KCNMB2: variants seen among roughly 807,000 people sequenced by gnomAD.
The protein encoded by KCNMB2 is potassium calcium-activated channel subfamily M regulatory beta subunit 2.
Under a neutral mutation model 24.5 loss-of-function variants are expected in KCNMB2, and 9 were observed. That is an observed-to-expected ratio of 0.37 (90% CI 0.22 to 0.64). The LOEUF (loss-of-function observed/expected upper bound fraction) is 0.64. Among genes scored for constraint, KCNMB2 ranks in the 30% least tolerant of loss-of-function variants. The pLI is 0.63. For synonymous variants in KCNMB2, 109 were observed against 104.4 expected, an observed-to-expected ratio of 1.04 and a Z score of -0.27; for missense variants, 226 against 284.3, an observed-to-expected ratio of 0.79 and a Z score of 1.47.
chr3:178,683,392 T>A (rs1326955797), intron 1 of KCNMB2, among the ~76,000 whole-genome samples: 1 of 151,940 alleles, frequency 6.6e-6, no homozygotes, highest in African/African-American at 2.4e-5. Context: ...AGTACCTATG[T>A]GACAGGATCA....
chr3:178,659,264 T>C (rs1255770013), intron 1 of KCNMB2, among the ~76,000 whole-genome samples: 1 of 152,236 alleles, frequency 6.6e-6, no homozygotes, highest in East Asian at 1.9e-4. Context: ...AGCCAGAATG[T>C]TCTGCATCCT....
chr3:178,818,248 A>C (rs1213372407), intron 2 of KCNMB2, among the ~76,000 whole-genome samples: 1 of 152,094 alleles, frequency 6.6e-6, no homozygotes, highest in Non-Finnish European at 1.5e-5. Flanking sequence ...TGATGCCCAG[A>C]TCTAAATCTA....
chr3:178,566,462 T>A (rs2108470432), intron 1 of KCNMB2, among the ~76,000 whole-genome samples: 1 of 152,136 alleles, frequency 6.6e-6, no homozygotes, highest in Non-Finnish European at 1.5e-5. Flanking sequence ...ACACTCCTAC[T>A]TGGCAATGTT....
At chr3:178,747,671 T>A (rs1723714904) in intron 1 of KCNMB2, among the ~76,000 whole-genome samples, 1 of 152,260 alleles carries the variant, frequency 6.6e-6, no homozygotes, top group Non-Finnish European at 1.5e-5. Flanking sequence ...ATGTAATAAC[T>A]GACTTAGTCT....
chr3:178,550,054 T>C (rs2108453752), intron 1 of KCNMB2, among the ~76,000 whole-genome samples: 1 of 152,270 alleles, frequency 6.6e-6, no homozygotes, highest in African/African-American at 2.4e-5. Context: ...GCTATATAAG[T>C]AAATTAACTA....
chr3:178,668,303 G>A (rs1720788191), intron 1 of KCNMB2, among the ~76,000 whole-genome samples: 1 of 152,102 alleles, frequency 6.6e-6, no homozygotes, highest in African/African-American at 2.4e-5. Flanking sequence ...AGGCACAGAA[G>A]GGTCCACAAT....
chr3:178,574,378 G>A (rs911898430), intron 1 of KCNMB2, among the ~76,000 whole-genome samples: 8 of 152,116 alleles, frequency 5.3e-5, no homozygotes, highest in Admixed American at 2.6e-4. Context: ...TATTCCTTCC[G>A]GACATATCTT....
At chr3:178,777,957 A>G (rs1035487560) in intron 1 of KCNMB2, among the ~76,000 whole-genome samples, 4 of 152,188 alleles carry the variant, frequency 2.6e-5, no homozygotes, top group African/African-American at 9.6e-5. Flanking sequence ...CCCCAGCTCC[A>G]TGATTCATCG....
intron 1 of KCNMB2, among the ~76,000 whole-genome samples, chr3:178,691,107 C>CT (rs71181241): frequency 0.016 from 1,279 of 79,722 alleles, 131 homozygotes; most frequent in Middle Eastern, 0.053. Context: ...CCCATTAAGT[C>CT]TTTTTTTTTT....
At chr3:178,618,327 C>T (rs1718788642) in intron 1 of KCNMB2, among the ~76,000 whole-genome samples, 1 of 152,140 alleles carries the variant, frequency 6.6e-6, no homozygotes. Flanking sequence ...TCACAGTGTG[C>T]CAGATACCTT....
At chr3:178,807,509 C>A in intron 2 of KCNMB2, 44 bp downstream of exon 2, 2 of 1,519,484 alleles carry the variant, frequency 1.3e-6, no homozygotes, top group Non-Finnish European at 1.8e-6. Flanking sequence ...AGCATTTAAC[C>A]TGACTCTCCA....
intron 1 of KCNMB2, among the ~76,000 whole-genome samples, chr3:178,595,682 T>C (rs981878102): frequency 6.6e-6 from 1 of 152,078 alleles, no homozygotes; most frequent in Non-Finnish European, 1.5e-5. Context: ...CCTTCCACCA[T>C]AATTGTAAGT....
At position 178,613,825 on chromosome 3, in the gene KCNMB2, G is replaced by A. The variant is rs147687902; in HGVS notation, c.-68+77114G>A. Among the ~76,000 whole-genome samples, 178 of 152,048 alleles carry A rather than the reference G, an allele frequency of 1.2e-3. 4 individuals are homozygous for A. In the East Asian group the frequency reaches 0.032, roughly 27 times the overall value. The stretch of plus-strand genomic sequence containing the variant: ...GTCTTCTTTGGGTTAAATCTGCTTG[G>A]TTCTATAACCATCTTGTACGTGGAT... On this transcript the variant is annotated intron_variant, in intron 1 of 4. Coordinates refer to ENST00000452583, the MANE Select transcript of KCNMB2 (RefSeq NM_181361.3).
At chr3:178,684,801 A>G (rs1472844565) in intron 1 of KCNMB2, among the ~76,000 whole-genome samples, 1 of 152,220 alleles carries the variant, frequency 6.6e-6, no homozygotes, top group African/African-American at 2.4e-5. Flanking sequence ...ATTGCACTCC[A>G]GCCTGTGCAA....
chr3:178,557,674 T>G (rs559867261), intron 1 of KCNMB2, among the ~76,000 whole-genome samples: 1 of 152,190 alleles, frequency 6.6e-6, no homozygotes, highest in Non-Finnish European at 1.5e-5. Context: ...GGGGAACAGA[T>G]AGAAGAATAG....
intron 1 of KCNMB2, among the ~76,000 whole-genome samples, chr3:178,794,315 C>T (rs776014070): frequency 3.9e-5 from 6 of 152,238 alleles, no homozygotes; most frequent in Non-Finnish European, 8.8e-5. Context: ...CCTCAAAGAC[C>T]GGCTGTCCCC....
At chr3:178,586,538 C>CGTTTTTTTTTTTTTTTT (rs1313147122) in intron 1 of KCNMB2, among the ~76,000 whole-genome samples, 2 of 68,500 alleles carry the variant, frequency 2.9e-5, no homozygotes, top group African/African-American at 1.1e-4. Context: ...TTTTTTCTTT[C>CGTTTTTTTTTTTTTTTT]TTTTTTTTTT....
At chr3:178,695,341 T>A (rs966591317) in intron 1 of KCNMB2, among the ~76,000 whole-genome samples, 5 of 152,254 alleles carry the variant, frequency 3.3e-5, no homozygotes, top group Non-Finnish European at 7.3e-5. Context: ...CTCTGACATA[T>A]CCTGGAGACA....
At chr3:178,629,693 C>T (rs113148565) in intron 1 of KCNMB2, among the ~76,000 whole-genome samples, 1 of 152,136 alleles carries the variant, frequency 6.6e-6, no homozygotes, top group South Asian at 2.1e-4. Context: ...AAGACAAACT[C>T]CTTGACCTCA....
Sources: gnomAD v4.1 joint callset for allele counts (sites outside exome capture counted in the v4.1 genomes callset) on GRCh38, gnomAD v4.1.1 for gene constraint, MANE v1.5 for transcripts, NCBI Gene and HGNC (gene_info 2026-07-23, HGNC 2026-07-21) for gene names.